The following NSMCE2 variants were observed in gnomAD, a reference collection of about 807,000 sequenced individuals.
NSMCE2 encodes the protein NSE2 SUMO ligase component of SMC5/6 complex.
A neutral mutation model predicts 23.8 loss-of-function variants in NSMCE2; 24 were observed. The ratio of observed to expected loss-of-function variants is 1.01; its 90% CI spans 0.73 to 1.42. NSMCE2 has a LOEUF of 1.42. NSMCE2 is among the 40% of genes most tolerant of loss of function. The pLI is 0.00. For missense variants in NSMCE2, 284 were observed against 296.5 expected, an observed-to-expected ratio of 0.96 and a Z score of 0.31; for synonymous variants, 92 against 94.1, an observed-to-expected ratio of 0.98 and a Z score of 0.13.
chr8:125,226,882 G>C (rs1487915377), intron 5 of NSMCE2, among the ~76,000 whole-genome samples: 2 of 151,976 alleles, frequency 1.3e-5, no homozygotes, highest in Non-Finnish European at 2.9e-5. Context: ...CCCGTTTCAT[G>C]GCACTGCTCT....
At chr8:125,177,817 G>T (rs1412782412) in intron 4 of NSMCE2, among the ~76,000 whole-genome samples, 1 of 152,108 alleles carries the variant, frequency 6.6e-6, no homozygotes, top group African/African-American at 2.4e-5. Context: ...GTTTTTCAGA[G>T]TTCCTTTTGC....
At chr8:125,150,573 G>A (rs1367508550) in intron 3 of NSMCE2, among the ~76,000 whole-genome samples, 1 of 151,104 alleles carries the variant, frequency 6.6e-6, no homozygotes, top group African/African-American at 2.4e-5. Context: ...ATAGAGACTA[G>A]GTTTCACCAT....
At chr8:125,171,255 A>G (rs759621523) in intron 4 of NSMCE2, among the ~76,000 whole-genome samples, 14 of 152,228 alleles carry the variant, frequency 9.2e-5, no homozygotes, top group Non-Finnish European at 7.3e-5. Flanking sequence ...GTAGAATACA[A>G]ACTCCACAAG....
intron 5 of NSMCE2, among the ~76,000 whole-genome samples, chr8:125,302,224 T>C (rs1016831287): frequency 2.0e-5 from 3 of 152,252 alleles, no homozygotes; most frequent in South Asian, 2.1e-4. Context: ...CCCAAAATGC[T>C]GGGATTACAG....
rs189177180 is a variant in NSMCE2, at chr8:125,346,086, G to A, written c.419-11133G>A. ...GCAGGAGAATCGCTTGAAGCCAGGA[G>A]GCAAAGGTTGCAGTGAGCCAAGATC... On this transcript the variant is annotated intron_variant, in intron 5 of 7. Coordinates refer to ENST00000287437, the MANE Select transcript of NSMCE2 (RefSeq NM_173685.4). 5.9e-3 allele frequency among the ~76,000 whole-genome samples: 895 copies of A among 152,260 alleles called. 6 individuals are homozygous for A. The highest frequency in any genetic ancestry group is 0.01 in the Non-Finnish European group (685 of 68,004).
At chr8:125,358,028 A>G (rs1358449138) in intron 7 of NSMCE2, among the ~76,000 whole-genome samples, 2 of 152,204 alleles carry the variant, frequency 1.3e-5, no homozygotes, top group East Asian at 3.8e-4. Context: ...GGGAACTTCA[A>G]CCACACCTTC....
chr8:125,186,296 CT>C (rs1245712601), intron 5 of NSMCE2, among the ~76,000 whole-genome samples: 2 of 152,212 alleles, frequency 1.3e-5, no homozygotes, highest in Admixed American at 6.5e-5. Flanking sequence ...CACAGATCAT[CT>C]GGTTAGCAAA....
chr8:125,346,779 G>A (rs897238944), intron 5 of NSMCE2, among the ~76,000 whole-genome samples: 3 of 152,168 alleles, frequency 2.0e-5, no homozygotes, highest in African/African-American at 7.2e-5. Flanking sequence ...CCAGTTGAAT[G>A]TGCTGGGTTT....
intron 4 of NSMCE2, among the ~76,000 whole-genome samples, chr8:125,163,099 G>A (rs1392346105): frequency 6.6e-6 from 1 of 152,124 alleles, no homozygotes; most frequent in East Asian, 1.9e-4. Flanking sequence ...AGGCTTGGTG[G>A]CTCACACTTG....
intron 5 of NSMCE2, among the ~76,000 whole-genome samples, chr8:125,246,827 A>G (rs1035306205): frequency 1.3e-5 from 2 of 152,200 alleles, no homozygotes; most frequent in African/African-American, 4.8e-5. Flanking sequence ...GATATAAATT[A>G]TGAAATAGTC....
intron 5 of NSMCE2, among the ~76,000 whole-genome samples, chr8:125,204,844 C>T (rs1824046151): frequency 6.6e-6 from 1 of 152,176 alleles, no homozygotes; most frequent in Non-Finnish European, 1.5e-5. Flanking sequence ...TTGCTGTCAG[C>T]CTCCTATATG....
At chr8:125,269,586 T>A (rs755868038) in intron 5 of NSMCE2, among the ~76,000 whole-genome samples, 13 of 152,236 alleles carry the variant, frequency 8.5e-5, no homozygotes, top group Non-Finnish European at 1.2e-4. Flanking sequence ...AGGGGTCTGA[T>A]GAATGTGAAC....
intron 5 of NSMCE2, among the ~76,000 whole-genome samples, chr8:125,356,142 C>T (rs1813264410): frequency 6.6e-6 from 1 of 151,780 alleles, no homozygotes; most frequent in African/African-American, 2.4e-5. Context: ...CGCAGATATC[C>T]AAATCCAACT....
rs114898697 is a variant in NSMCE2, at chr8:125,184,821, A to G, written c.418+2565A>G. ...CCACAGTATTTGTGTAGCCAGGTCAAAGGTACACTATGATATGTAAATGAG... is the reference window on the plus strand; with the variant it reads ...CCACAGTATTTGTGTAGCCAGGTCAGAGGTACACTATGATATGTAAATGAG... On this transcript the variant is annotated intron_variant, in intron 5 of 7. Transcript: ENST00000287437. Among the ~76,000 whole-genome samples the G allele has an allele frequency of 5.0e-3, 768 of 152,286 alleles. 8 individuals carry two copies. The highest frequency in any genetic ancestry group is 0.018 in the African/African-American group (739 of 41,562).
At chr8:125,217,289 G>A (rs1012752097) in intron 5 of NSMCE2, among the ~76,000 whole-genome samples, 2 of 152,048 alleles carry the variant, frequency 1.3e-5, no homozygotes, top group African/African-American at 2.4e-5. Context: ...GGGAGTCCTA[G>A]AGGTCTAGAG....
chr8:125,134,228 A>G (rs909577651), intron 3 of NSMCE2, among the ~76,000 whole-genome samples: 2 of 152,218 alleles, frequency 1.3e-5, no homozygotes, highest in Non-Finnish European at 2.9e-5. Flanking sequence ...ACACCCAGAC[A>G]TTATGTTATG....
intron 5 of NSMCE2, among the ~76,000 whole-genome samples, chr8:125,318,888 G>A (rs1199078945): frequency 6.6e-6 from 1 of 152,156 alleles, no homozygotes; most frequent in East Asian, 1.9e-4. Flanking sequence ...ATAACTAAGA[G>A]TCCAGGGAAG....
intron 3 of NSMCE2, among the ~76,000 whole-genome samples, chr8:125,146,759 G>C (rs1820697692): frequency 6.6e-6 from 1 of 152,074 alleles, no homozygotes; most frequent in African/African-American, 2.4e-5. Context: ...GGTGGGGAGA[G>C]TGGGGAAGGA....
chr8:125,163,227 A>T (rs1215014397), intron 4 of NSMCE2, among the ~76,000 whole-genome samples: 1 of 152,168 alleles, frequency 6.6e-6, no homozygotes, highest in Non-Finnish European at 1.5e-5. Flanking sequence ...AATGAAAGTA[A>T]ATAAACAATT....
Sources: gnomAD v4.1 joint callset for allele counts (sites outside exome capture counted in the v4.1 genomes callset) on GRCh38, gnomAD v4.1.1 for gene constraint, MANE v1.5 for transcripts, NCBI Gene and HGNC (gene_info 2026-07-23, HGNC 2026-07-21) for gene names.